Variants in SQLE observed in about 807,000 individuals in gnomAD.
SQLE encodes the protein squalene epoxidase.
A neutral mutation model predicts 60.7 loss-of-function variants in SQLE; 29 were observed. The ratio of observed to expected loss-of-function variants is 0.48; its 90% CI spans 0.36 to 0.65. The LOEUF (loss-of-function observed/expected upper bound fraction) is 0.65, where lower values mean the gene tolerates loss of function less well. Ranked by LOEUF, SQLE falls within the 30% of genes least tolerant of loss-of-function variation. The probability of loss-of-function intolerance (pLI) is 0.00; values close to 1 mark genes in which losing one functional copy is unlikely to be tolerated. For synonymous variants in SQLE, 237 were observed against 246.8 expected (o/e 0.96, Z 0.37); for missense variants, 605 against 684.1 (o/e 0.88, Z 1.29).
In SQLE at chr8:125,007,478, A is replaced by G; in HGVS notation, c.813A>G (p.Gly271=). 6.5e-7 allele frequency: 1 copy of G among 1,544,262 alleles called. No individual in the cohort carries two copies. The highest frequency in any genetic ancestry group is 8.8e-7 in the Non-Finnish European group (1 of 1,142,668). ...TTCAGTACAAGGATAAAGAGACTGG[A>G]GATATCAAGGTGAGAAATACCAAAT... ...MGVQYKDKET[G]DIKELHAPLT... Residue 271 remains glycine (G), a synonymous_variant, in exon 4 of 11, where the codon GGA becomes GGG. Coordinates refer to ENST00000265896, the MANE Select transcript of SQLE (RefSeq NM_003129.4).
At chr8:125,001,451 T>G (rs904262305) in intron 1 of SQLE, among the ~76,000 whole-genome samples, 33 of 105,856 alleles carry the variant, frequency 3.1e-4, no homozygotes, top group Admixed American at 8.2e-4. Flanking sequence ...CCTTTCAGGG[T>G]GTGTGTGTGT....
At chr8:125,006,785 A>G (rs570441894) in intron 3 of SQLE, among the ~76,000 whole-genome samples, 6 of 148,928 alleles carry the variant, frequency 4.0e-5, no homozygotes, top group Non-Finnish European at 8.9e-5. Flanking sequence ...GCTCACTGCA[A>G]CCTCTGCCTC....
At chr8:125,003,517 C>T (rs1444485137) in intron 2 of SQLE, 89 bp downstream of exon 2, 45 of 1,424,888 alleles carry the variant, frequency 3.2e-5, no homozygotes, top group Non-Finnish European at 9.4e-7. Flanking sequence ...GAAGGTATTC[C>T]ATTTTATTTT....
chr8:125,019,750 T>G (rs1815172242), intron 9 of SQLE, among the ~76,000 whole-genome samples: 1 of 152,200 alleles, frequency 6.6e-6, no homozygotes, highest in Admixed American at 6.5e-5. Flanking sequence ...ACATAGCTAT[T>G]TGTATGATCT....
Position 124,999,320 on chromosome 8 carries a change from G to T in SQLE, c.-84G>T, listed in dbSNP as rs772477111. On this transcript the variant is annotated 5_prime_UTR_variant, in exon 1 of 11. Transcript: ENST00000265896. ...TGGCCGGCTCTCCGTGCTCCTCTTG[G>T]TACCTCATTTTGGGGAGAACCTTAA... 9.6e-6 allele frequency: 13 copies of T among 1,358,906 alleles called. 1 individual carries two copies. In the South Asian group the frequency reaches 2.3e-4, roughly 24 times the overall value. 84.2% of individuals were successfully genotyped at this position (1,358,906 alleles called of 1,614,324 possible).
At chr8:125,013,168 T>C (rs1815063153) in intron 7 of SQLE, among the ~76,000 whole-genome samples, 3 of 152,174 alleles carry the variant, frequency 2.0e-5, no homozygotes, top group African/African-American at 7.2e-5. Flanking sequence ...TTATTAGATA[T>C]GTGATTTGCA....
chr8:125,000,074 A>AAGTC (rs1222059934), intron 1 of SQLE: 3 of 467,222 alleles, frequency 6.4e-6, no homozygotes, highest in African/African-American at 2.0e-5. Context: ...TGCTGCGGGT[A>AAGTC]AGTCCACTGC....
Position 124,998,533 on chromosome 8 carries a change from G to A in SQLE, c.-871G>A, listed in dbSNP as rs1814781821. 8 of 667,650 alleles carry A rather than the reference G, an allele frequency of 1.2e-5. No homozygotes were observed. The highest frequency in any genetic ancestry group is 1.9e-5 in the African/African-American group (1 of 53,986). The allele number at this position is 667,650 out of a possible 1,614,324, so 41.4% of individuals were successfully genotyped here. On this transcript the variant is annotated 5_prime_UTR_variant, in exon 1 of 11. Transcript: ENST00000265896. ...ACGCGTGGAGCCTGGCGGCGAGTGG[G>A]GGCGTGCGACGGTTACTCTGGTTAC...
chr8:125,010,818 A>C (rs149456715), intron 6 of SQLE: 22 of 151,698 alleles, frequency 1.5e-4, no homozygotes, highest in Non-Finnish European at 2.5e-4. Context: ...ATTGGAGTAG[A>C]GTGCCCTGAA....
rs765024504 is a variant in SQLE at position 124,999,633 on chromosome 8, G to A, written c.230G>A (p.Gly77Asp). 1.9e-6 allele frequency: 3 copies of A among 1,612,692 alleles called. No individual in the cohort carries two copies. The Admixed American group carries it at 5.0e-5, about 27-fold the overall frequency. Residue 77 changes from glycine to aspartate, a missense_variant, in exon 1 of 11, where the codon GGC (glycine) becomes GAC (aspartate). By Grantham distance (94) the Gly-to-Asp change is moderately conservative (BLOSUM62 -1). Transcript: ENST00000265896. Reference sequence around the variant, plus strand: ...ATTCTCTCAGGCCTGCCTTTCATTGGCTTCTTCTGGGCCAAATCCCCCCCT... The same window carrying A: ...ATTCTCTCAGGCCTGCCTTTCATTGACTTCTTCTGGGCCAAATCCCCCCCT... ...SDILSGLPFI[G>D]FFWAKSPPES...
intron 3 of SQLE, among the ~76,000 whole-genome samples, chr8:125,006,901 C>T (rs544737728): frequency 8.6e-5 from 13 of 151,926 alleles, no homozygotes; most frequent in Non-Finnish European, 1.5e-4. Flanking sequence ...GACGGGGTTT[C>T]ACCATGTTGG....
At chr8:125,015,278 T>G (rs10102066) in intron 7 of SQLE, among the ~76,000 whole-genome samples, 58,309 of 152,000 alleles carry the variant, frequency 0.38, 13,184 homozygotes, top group African/African-American at 0.62. Context: ...TTCAGTCTCT[T>G]TGTGGCTTTA....
intron 4 of SQLE, among the ~76,000 whole-genome samples, chr8:125,008,593 T>C (rs1286140614): frequency 6.6e-6 from 1 of 152,224 alleles, no homozygotes; most frequent in Non-Finnish European, 1.5e-5. Flanking sequence ...AAAAGCACTA[T>C]ATGAAGTTAG....
intron 7 of SQLE, among the ~76,000 whole-genome samples, chr8:125,012,395 C>G (rs1027019781): frequency 2.0e-5 from 3 of 152,156 alleles, no homozygotes; most frequent in African/African-American, 7.2e-5. Flanking sequence ...AAAGAAACCC[C>G]GTACCCATTG....
At chr8:125,010,199 C>T (rs1260073160) in intron 6 of SQLE, among the ~76,000 whole-genome samples, 1 of 152,168 alleles carries the variant, frequency 6.6e-6, no homozygotes, top group Non-Finnish European at 1.5e-5. Flanking sequence ...ACAGACATGT[C>T]CTGTCCGCAG....
chr8:125,008,743 G>A (rs2129887903), intron 4 of SQLE, among the ~76,000 whole-genome samples: 1 of 152,266 alleles, frequency 6.6e-6, no homozygotes, highest in South Asian at 2.1e-4. Flanking sequence ...TTGCATGGGA[G>A]GGCTACAAAG....
intron 9 of SQLE, 75 bp downstream of exon 9, chr8:125,018,802 T>A: frequency 1.0e-6 from 1 of 987,514 alleles, no homozygotes; most frequent in Non-Finnish European, 1.5e-6. Context: ...AACAAGTTAG[T>A]GATTTGTCCA....
At chr8:125,006,177 C>G (rs189038054) in intron 3 of SQLE, among the ~76,000 whole-genome samples, 2 of 152,298 alleles carry the variant, frequency 1.3e-5, no homozygotes, top group African/African-American at 4.8e-5. Flanking sequence ...ACCTTTAAAA[C>G]ACTAATTGAA....
chr8:125,009,915 A>G (rs1156637868), intron 6 of SQLE, among the ~76,000 whole-genome samples: 1 of 152,188 alleles, frequency 6.6e-6, no homozygotes, highest in Non-Finnish European at 1.5e-5. Context: ...CTGACTCTGA[A>G]TTCTTTATCT....
Sources: allele counts gnomAD v4.1 joint callset (sites outside exome capture counted in the v4.1 genomes callset), GRCh38; gene constraint gnomAD v4.1.1; transcripts MANE v1.5; gene names NCBI Gene and HGNC (gene_info 2026-07-23, HGNC 2026-07-21).